Variants in COP1 observed in about 807,000 individuals in gnomAD.
COP1 encodes the protein COP1 E3 ubiquitin ligase.
Under a neutral mutation model 101.3 loss-of-function variants are expected in COP1, and 24 were observed. The ratio of observed to expected loss-of-function variants is 0.24; its 90% CI spans 0.17 to 0.33. The LOEUF (loss-of-function observed/expected upper bound fraction) is 0.33, where lower values mean the gene tolerates loss of function less well. Among genes scored for constraint, COP1 ranks in the 10% least tolerant of loss-of-function variants. The pLI is 1.00. For synonymous variants in COP1, 347 were observed against 341.9 expected (o/e 1.01, Z -0.17); for missense variants, 663 against 906.2 (o/e 0.73, Z 3.45).
chr1:176,110,969 T>A (rs370990996), intron 9 of COP1, among the ~76,000 whole-genome samples: 2 of 152,062 alleles, frequency 1.3e-5, no homozygotes, highest in Non-Finnish European at 2.9e-5. Context: ...CTGGCCAACA[T>A]GGTGAAACCC....
chr1:176,172,744 T>C (rs1007535464), intron 3 of COP1, among the ~76,000 whole-genome samples: 1 of 152,114 alleles, frequency 6.6e-6, no homozygotes, highest in Non-Finnish European at 1.5e-5. Context: ...TTTTTTAGTA[T>C]AGAAAAAAAC....
chr1:176,007,567 G>A (rs537559204), intron 15 of COP1, among the ~76,000 whole-genome samples: 77 of 151,358 alleles, frequency 5.1e-4, no homozygotes, highest in African/African-American at 1.7e-3. Flanking sequence ...CTAACAGACA[G>A]GACCCTCAGC....
At chr1:176,052,259 GCTATA>G (rs1672701004) in intron 11 of COP1, among the ~76,000 whole-genome samples, 1 of 152,126 alleles carries the variant, frequency 6.6e-6, no homozygotes, top group South Asian at 2.1e-4. Flanking sequence ...GGAGCAAGAG[GCTATA>G]CTATATCACC....
At chr1:176,177,157 T>A (rs1006205488) in intron 2 of COP1, among the ~76,000 whole-genome samples, 1 of 152,114 alleles carries the variant, frequency 6.6e-6, no homozygotes, top group African/African-American at 2.4e-5. Flanking sequence ...GTAATTTGTA[T>A]GCCATAAAAA....
chr1:176,055,003 T>C (rs138087933), intron 11 of COP1, among the ~76,000 whole-genome samples: 23 of 152,378 alleles, frequency 1.5e-4, no homozygotes, highest in Middle Eastern at 3.4e-3. Flanking sequence ...CTCCGAATTC[T>C]GACCTTCCTT....
At chr1:176,145,266 C>T (rs997308692) in intron 6 of COP1, among the ~76,000 whole-genome samples, 1 of 152,028 alleles carries the variant, frequency 6.6e-6, no homozygotes, top group African/African-American at 2.4e-5. Context: ...CCTCATAAGT[C>T]ATCTGGAAAA....
In COP1 at chr1:175,986,119, A is replaced by T. The variant is rs139760010; in HGVS notation, c.2133+824T>A. ...ACTGCAAGCTCTGCCTCGCGGGTTG[A>T]TGCCATTCTCCTGACTCAGCCTCCC... On this transcript the variant is annotated intron_variant, in intron 18 of 19. Transcript: ENST00000367669. 2.3e-4 allele frequency among the ~76,000 whole-genome samples: 35 copies of T among 152,218 alleles called. No individual in the cohort carries two copies. In the East Asian group the frequency reaches 6.8e-3, roughly 29 times the overall value.
chr1:176,178,244 G>C (rs976380911), intron 2 of COP1, among the ~76,000 whole-genome samples: 2 of 151,904 alleles, frequency 1.3e-5, no homozygotes, highest in Non-Finnish European at 1.5e-5. Flanking sequence ...TAGGGAAAAA[G>C]GAAATGAGTT....
intron 15 of COP1, among the ~76,000 whole-genome samples, chr1:176,009,470 ATAAGTAAAGGT>A (rs1664207912): frequency 6.6e-6 from 1 of 152,250 alleles, no homozygotes; most frequent in African/African-American, 2.4e-5. Flanking sequence ...TGAAAGGCAT[ATAAGTAAAGGT>A]TAAATTATGT....
chr1:176,078,220 C>T (rs556087637), intron 11 of COP1, among the ~76,000 whole-genome samples: 1 of 152,224 alleles, frequency 6.6e-6, no homozygotes, highest in South Asian at 2.1e-4. Flanking sequence ...TACCTGGAGG[C>T]ATCACACTAC....
chr1:176,140,431 G>A (rs1690490077), intron 6 of COP1, among the ~76,000 whole-genome samples: 2 of 152,290 alleles, frequency 1.3e-5, no homozygotes, highest in Middle Eastern at 3.4e-3. Flanking sequence ...AAGTTTGGAA[G>A]ACTGAAAACT....
chr1:176,190,010 T>C (rs1463704809), intron 1 of COP1, among the ~76,000 whole-genome samples: 3 of 151,876 alleles, frequency 2.0e-5, no homozygotes, highest in African/African-American at 7.2e-5. Context: ...TAATGAATAA[T>C]GATTTCAGAT....
intron 1 of COP1, among the ~76,000 whole-genome samples, chr1:176,189,406 G>A (rs1204919822): frequency 6.6e-6 from 1 of 151,096 alleles, no homozygotes; most frequent in Non-Finnish European, 1.5e-5. Context: ...GGAATTCTTT[G>A]TTTCTCATTT....
chr1:176,167,926 T>C (rs970476210), intron 3 of COP1, among the ~76,000 whole-genome samples: 2 of 152,018 alleles, frequency 1.3e-5, no homozygotes, highest in Non-Finnish European at 2.9e-5. Context: ...AAACAGTGAC[T>C]GACAGTAGTA....
intron 18 of COP1, among the ~76,000 whole-genome samples, chr1:175,969,143 G>A (rs994215961): frequency 2.0e-5 from 3 of 152,276 alleles, no homozygotes; most frequent in Middle Eastern, 3.4e-3. Flanking sequence ...ATACATTCAA[G>A]GCATGGAAAC....
intron 15 of COP1, among the ~76,000 whole-genome samples, chr1:176,001,645 T>A (rs1005155929): frequency 6.6e-6 from 1 of 152,106 alleles, no homozygotes; most frequent in Non-Finnish European, 1.5e-5. Flanking sequence ...TACAAAAAAA[T>A]TCATCTAAAC....
At chr1:176,060,297 A>G (rs1674608578) in intron 11 of COP1, among the ~76,000 whole-genome samples, 1 of 152,156 alleles carries the variant, frequency 6.6e-6, no homozygotes, top group South Asian at 2.1e-4. Flanking sequence ...TTTGTGATAA[A>G]ATGTCTTTCT....
At chr1:176,057,667 C>T (rs1304410972) in intron 11 of COP1, among the ~76,000 whole-genome samples, 2 of 152,132 alleles carry the variant, frequency 1.3e-5, no homozygotes, top group African/African-American at 4.8e-5. Flanking sequence ...AGTGCAGTGG[C>T]GTGATCTCGG....
rs186804220 is a variant in COP1 at position 176,203,951 on chromosome 1, A to G, written c.407+2621T>C. Among the ~76,000 whole-genome samples the G allele has an allele frequency of 2.6e-3, 398 of 152,300 alleles. 3 individuals carry two copies. The highest frequency in any genetic ancestry group is 9.1e-3 in the African/African-American group (380 of 41,560). On this transcript the variant is annotated intron_variant, in intron 1 of 19. Coordinates refer to ENST00000367669, the MANE Select transcript of COP1 (RefSeq NM_022457.7). ...CACCACCCACCCCAGCCTCCAATTC[A>G]GGTACGTCTTCTTGGGATGTGGGCA...
Sources: allele counts gnomAD v4.1 joint callset (sites outside exome capture counted in the v4.1 genomes callset), GRCh38; gene constraint gnomAD v4.1.1; transcripts MANE v1.5; gene names NCBI Gene and HGNC (gene_info 2026-07-23, HGNC 2026-07-21).